The following SGCD variants were observed in gnomAD, a reference collection of about 807,000 sequenced individuals.
SGCD encodes the protein delta-sarcoglycan.
Under a neutral mutation model 36.6 loss-of-function variants are expected in SGCD, and 18 were observed. That is an observed-to-expected ratio of 0.49 (90% CI 0.34 to 0.73). The LOEUF is 0.73. Among genes scored for constraint, SGCD ranks in the 30% least tolerant of loss-of-function variants. The pLI is 0.01. For missense variants in SGCD, 387 were observed against 346.7 expected (o/e 1.12, Z -0.92); for synonymous variants, 133 against 130.6 (o/e 1.02, Z -0.12).
chr5:156,202,184 G>A (rs533552844), intron 3 of SGCD, among the ~76,000 whole-genome samples: 491 of 152,262 alleles, frequency 3.2e-3, no homozygotes, highest in Non-Finnish European at 5.7e-3. Flanking sequence ...TCCATTGATT[G>A]TGGCCCCACT....
At chr5:156,005,815 G>C (rs1205091367) in intron 1 of SGCD, among the ~76,000 whole-genome samples, 1 of 152,112 alleles carries the variant, frequency 6.6e-6, no homozygotes. Context: ...TGCTCACTCA[G>C]TCTCTTGCGT....
intron 1 of SGCD, among the ~76,000 whole-genome samples, chr5:156,083,264 A>AT (rs146488022): frequency 0.012 from 1,792 of 148,856 alleles, 22 homozygotes; most frequent in Middle Eastern, 0.042. Flanking sequence ...GAAGTTTTAA[A>AT]TTTTGATGAC....
intron 1 of SGCD, among the ~76,000 whole-genome samples, chr5:155,970,252 A>G (rs1404076176): frequency 6.6e-6 from 1 of 152,120 alleles, no homozygotes; most frequent in African/African-American, 2.4e-5. Context: ...CTCTGTCCAG[A>G]TGACCACATC....
At chr5:156,477,011 TAGAC>T (rs1301416578) in intron 3 of SGCD, among the ~76,000 whole-genome samples, 2 of 146,682 alleles carry the variant, frequency 1.4e-5, no homozygotes, top group East Asian at 2.0e-4. Context: ...ACAGCAATTT[TAGAC>T]AGAGCGTTAA....
At chr5:155,918,733 G>A (rs1471845316) in intron 1 of SGCD, among the ~76,000 whole-genome samples, 3 of 152,120 alleles carry the variant, frequency 2.0e-5, no homozygotes, top group Non-Finnish European at 4.4e-5. Context: ...CCCAATTAGT[G>A]CCTGCCAATA....
intron 3 of SGCD, among the ~76,000 whole-genome samples, chr5:156,152,512 A>G (rs1389504120): frequency 6.6e-6 from 1 of 151,654 alleles, no homozygotes; most frequent in Non-Finnish European, 1.5e-5. Flanking sequence ...TGCAAAATAC[A>G]CTTAAGATTT....
intron 1 of SGCD, among the ~76,000 whole-genome samples, chr5:155,967,846 C>A (rs1266127506): frequency 6.6e-6 from 1 of 152,030 alleles, no homozygotes; most frequent in Admixed American, 6.6e-5. Context: ...CACAGAGACA[C>A]CTCAAGAAGG....
At chr5:156,395,223 C>CTTTA (rs1336010143) in intron 3 of SGCD, among the ~76,000 whole-genome samples, 3 of 152,196 alleles carry the variant, frequency 2.0e-5, no homozygotes, top group Non-Finnish European at 4.4e-5. Flanking sequence ...AAAGGGAAGA[C>CTTTA]TTTAGGAATG....
intron 3 of SGCD, among the ~76,000 whole-genome samples, chr5:156,497,644 T>A (rs10476425): frequency 0.034 from 4,746 of 141,510 alleles, 214 homozygotes; most frequent in African/African-American, 0.11. Context: ...TCTCTCTCTC[T>A]CACACACACA....
the SGCD span, among the ~76,000 whole-genome samples, chr5:155,779,287 A>G: frequency 6.6e-6 from 1 of 152,044 alleles, no homozygotes; most frequent in African/African-American, 2.4e-5. Flanking sequence ...AAAGTACAAA[A>G]ATTAGCCATG....
chr5:156,073,026 A>T (rs1039994620), intron 1 of SGCD, among the ~76,000 whole-genome samples: 1 of 152,084 alleles, frequency 6.6e-6, no homozygotes, highest in South Asian at 2.1e-4. Flanking sequence ...CTAGTTATAC[A>T]TTCATCTAAA....
intron 1 of SGCD, among the ~76,000 whole-genome samples, chr5:156,082,844 T>G (rs1250582820): frequency 6.6e-6 from 1 of 152,228 alleles, no homozygotes; most frequent in African/African-American, 2.4e-5. Flanking sequence ...AAAACTGTTT[T>G]CCCAAAGTGG....
intron 1 of SGCD, among the ~76,000 whole-genome samples, chr5:156,114,143 A>G (rs577443650): frequency 6.6e-6 from 1 of 152,214 alleles, no homozygotes; most frequent in South Asian, 2.1e-4. Context: ...AATGTAAATT[A>G]TGGGTTTTGA....
chr5:156,704,385 G>A (rs1754656372), intron 7 of SGCD: 1 of 152,156 alleles, frequency 6.6e-6, no homozygotes, highest in Non-Finnish European at 1.5e-5. Flanking sequence ...GCCTAGCTAA[G>A]GGAGTCTAGT....
At chr5:156,292,265 C>T (rs1028023402) in intron 3 of SGCD, among the ~76,000 whole-genome samples, 1 of 152,064 alleles carries the variant, frequency 6.6e-6, no homozygotes, top group African/African-American at 2.4e-5. Context: ...ACCCTATACC[C>T]GTTAAACAAT....
intron 4 of SGCD, among the ~76,000 whole-genome samples, chr5:156,579,279 G>C (rs1221362412): frequency 2.0e-5 from 3 of 152,194 alleles, no homozygotes; most frequent in Admixed American, 2.0e-4. Flanking sequence ...CTGAGAGATA[G>C]TTTGTTGTGA....
chr5:156,372,924 T>TC (rs548488501), intron 3 of SGCD, among the ~76,000 whole-genome samples: 3,852 of 152,220 alleles, frequency 0.025, 161 homozygotes, highest in African/African-American at 0.087. Flanking sequence ...GACAATCATG[T>TC]ACTCCTTTGC....
intron 7 of SGCD, among the ~76,000 whole-genome samples, chr5:156,681,389 G>T (rs141144632): frequency 6.6e-6 from 1 of 152,262 alleles, no homozygotes; most frequent in Non-Finnish European, 1.5e-5. Flanking sequence ...TCTGCTCACT[G>T]CTCAGTTGCT....
At chr5:156,561,631 G>T (rs1438341513) in intron 4 of SGCD, among the ~76,000 whole-genome samples, 1 of 152,112 alleles carries the variant, frequency 6.6e-6, no homozygotes, top group Non-Finnish European at 1.5e-5. Context: ...TCAACCTAAT[G>T]GTGTTGAATA....
Sources: gnomAD v4.1 joint callset for allele counts (sites outside exome capture counted in the v4.1 genomes callset) on GRCh38, gnomAD v4.1.1 for gene constraint, MANE v1.5 for transcripts, NCBI Gene and HGNC (gene_info 2026-07-23, HGNC 2026-07-21) for gene names.